The following RNF24 variants were observed in gnomAD, a reference collection of about 807,000 sequenced individuals.
The protein encoded by RNF24 is ring finger protein 24.
In RNF24, 14 loss-of-function variants were observed where a neutral mutation model predicts 20.0. The observed-to-expected ratio is 0.70, with a 90% CI of 0.46 to 1.10. The LOEUF (loss-of-function observed/expected upper bound fraction) is 1.10. Among genes scored for constraint, RNF24 ranks in the 50% least tolerant of loss-of-function variants. The pLI, the probability that RNF24 is intolerant of heterozygous loss-of-function variation, is 0.00. For missense variants in RNF24, 124 were observed against 177.6 expected, an observed-to-expected ratio of 0.70 and a Z score of 1.71; for synonymous variants, 45 against 61.1, an observed-to-expected ratio of 0.74 and a Z score of 1.23.
intron 2 of RNF24, among the ~76,000 whole-genome samples, chr20:3,950,998 C>A (rs1306755929): frequency 6.6e-6 from 1 of 152,154 alleles, no homozygotes; most frequent in Non-Finnish European, 1.5e-5. Context: ...CTCTGTAGCC[C>A]AGGCTGGAGT....
Position 3,933,865 on chromosome 20 carries a change from G to A in RNF24, c.*198C>T, listed in dbSNP as rs770790235. 8 of 414,364 alleles carry A rather than the reference G, an allele frequency of 1.9e-5. No individual in the cohort carries two copies. The highest frequency in any genetic ancestry group is 2.1e-5 in the Non-Finnish European group (5 of 238,290). 25.7% of individuals were successfully genotyped at this position (414,364 alleles called of 1,614,324 possible). On this transcript the variant is annotated 3_prime_UTR_variant, in exon 6 of 6. Transcript: ENST00000358395. ...CATCCACTCCTCTTCTCTCGGCAGG[G>A]GGTAGTGTCAAAGTGCTTTGGTTGT... is the stretch of plus-strand genomic sequence containing the variant.
intron 1 of RNF24, among the ~76,000 whole-genome samples, chr20:3,979,344 G>C (rs1979189678): frequency 6.6e-6 from 1 of 151,826 alleles, no homozygotes; most frequent in Non-Finnish European, 1.5e-5. Flanking sequence ...ATAAACAAAA[G>C]GAAACTACTT....
chr20:3,960,318 G>A (rs953815514), intron 2 of RNF24, among the ~76,000 whole-genome samples: 2 of 152,184 alleles, frequency 1.3e-5, no homozygotes, highest in Admixed American at 6.5e-5. Flanking sequence ...ACCATTTGAA[G>A]TGTTAAAGGT....
Position 3,930,206 on chromosome 20 carries a change from T to G in RNF24, c.*3857A>C, listed in dbSNP as rs1025268821. 1 of 152,162 alleles carries G rather than the reference T, an allele frequency of 6.6e-6. No homozygotes were observed. The highest frequency in any genetic ancestry group is 1.5e-5 in the Non-Finnish European group (1 of 68,038). The allele number at this position is 152,162 out of a possible 1,614,324, so 9.4% of individuals were successfully genotyped here. A position where few individuals can be genotyped will look rare whatever the true frequency, so the allele number is the denominator to read the frequency against. ...GTGAACCACATGAATGGATTACCTA[T>G]TCAAAACATTAAGAAAGAAATATTC... On this transcript the variant is annotated 3_prime_UTR_variant, in exon 6 of 6. Coordinates refer to ENST00000358395, the MANE Select transcript of RNF24 (RefSeq NM_001134337.3).
chr20:3,978,968 C>A (rs915570484), intron 1 of RNF24, among the ~76,000 whole-genome samples: 5 of 151,408 alleles, frequency 3.3e-5, no homozygotes, highest in African/African-American at 1.2e-4. Context: ...TAGCCAGGCG[C>A]GGTGGCGTGC....
chr20:3,993,372 C>T (rs978715528), intron 1 of RNF24, among the ~76,000 whole-genome samples: 2 of 152,084 alleles, frequency 1.3e-5, no homozygotes, highest in African/African-American at 4.8e-5. Context: ...ACTGCAACCT[C>T]CACCTCCCAC....
At chr20:3,997,430 ATT>A (rs746247068) in intron 1 of RNF24, among the ~76,000 whole-genome samples, 4 of 142,044 alleles carry the variant, frequency 2.8e-5, no homozygotes, top group Non-Finnish European at 4.6e-5. Flanking sequence ...AAAATACAGG[ATT>A]TTTTTTTTTT....
At chr20:3,995,627 A>C (rs1168297762) in intron 1 of RNF24, among the ~76,000 whole-genome samples, 1 of 152,164 alleles carries the variant, frequency 6.6e-6, no homozygotes, top group Non-Finnish European at 1.5e-5. Flanking sequence ...ACTGGTGATA[A>C]TTACCTTGCA....
chr20:3,952,801 T>C (rs1285829146), intron 2 of RNF24, among the ~76,000 whole-genome samples: 1 of 152,208 alleles, frequency 6.6e-6, no homozygotes, highest in Non-Finnish European at 1.5e-5. Flanking sequence ...TATGATATTA[T>C]ACTATTAATG....
chr20:4,005,756 A>G (rs1459444938), intron 1 of RNF24, among the ~76,000 whole-genome samples: 1 of 152,208 alleles, frequency 6.6e-6, no homozygotes, highest in East Asian at 1.9e-4. Flanking sequence ...AGATGAACTT[A>G]ATAAACTTAA....
chr20:3,990,216 G>A (rs1263747240), intron 1 of RNF24, among the ~76,000 whole-genome samples: 1 of 151,970 alleles, frequency 6.6e-6, no homozygotes. Context: ...TCAAAATGGG[G>A]AAGGCCTTTC....
intron 1 of RNF24, among the ~76,000 whole-genome samples, chr20:3,999,494 C>T (rs1981204233): frequency 6.6e-6 from 1 of 152,164 alleles, no homozygotes; most frequent in African/African-American, 2.4e-5. Context: ...GTGGCTCACG[C>T]CTGTAATTCC....
chr20:3,963,336 G>C lies in RNF24; in HGVS notation c.143+539C>G, dbSNP rs578114056. ...GCCTCCCAGGTAGCTGGGATTACAG[G>C]CATGAGCCACCACGCCCAGCTAATT... On this transcript the variant is annotated intron_variant, in intron 2 of 5. Transcript: ENST00000358395. 2.6e-5 allele frequency among the ~76,000 whole-genome samples: 4 copies of C among 152,226 alleles called. No individual in the cohort carries two copies. The South Asian group carries it at 8.3e-4, about 32-fold the overall frequency.
chr20:3,962,978 C>T (rs995785749), intron 2 of RNF24, among the ~76,000 whole-genome samples: 2 of 151,740 alleles, frequency 1.3e-5, no homozygotes, highest in South Asian at 2.1e-4. Flanking sequence ...GGATTTTGGA[C>T]GTCAGCCACT....
chr20:3,998,870 A>C (rs1431433600), intron 1 of RNF24, among the ~76,000 whole-genome samples: 2 of 151,984 alleles, frequency 1.3e-5, no homozygotes, highest in South Asian at 4.1e-4. Flanking sequence ...ATCTGAGGTC[A>C]GGAGGTCAAG....
At chr20:3,982,103 G>A (rs1056787086) in intron 1 of RNF24, among the ~76,000 whole-genome samples, 3 of 137,118 alleles carry the variant, frequency 2.2e-5, no homozygotes, top group Middle Eastern at 7.1e-3. Flanking sequence ...GTGAGACCTC[G>A]TCTCTCTCTC....
At chr20:3,940,320 T>A (rs190041510) in intron 4 of RNF24, among the ~76,000 whole-genome samples, 2 of 150,740 alleles carry the variant, frequency 1.3e-5, no homozygotes, top group East Asian at 3.9e-4. Context: ...ATGGATGGGC[T>A]CAACAGCAGA....
chr20:3,959,732 C>T (rs1015568647), intron 2 of RNF24, among the ~76,000 whole-genome samples: 1 of 152,120 alleles, frequency 6.6e-6, no homozygotes, highest in Non-Finnish European at 1.5e-5. Context: ...TATTTTGATC[C>T]TGACTTTCAT....
At chr20:3,979,387 C>T (rs1368424884) in intron 1 of RNF24, among the ~76,000 whole-genome samples, 2 of 152,088 alleles carry the variant, frequency 1.3e-5, no homozygotes, top group Non-Finnish European at 2.9e-5. Context: ...AAAATGACTT[C>T]AGGCCAGGTG....
Sources: allele counts gnomAD v4.1 joint callset (sites outside exome capture counted in the v4.1 genomes callset), GRCh38; gene constraint gnomAD v4.1.1; transcripts MANE v1.5; gene names NCBI Gene and HGNC (gene_info 2026-07-23, HGNC 2026-07-21).